The following PSMF1 variants were observed in gnomAD, a reference collection of about 807,000 sequenced individuals.
PSMF1 encodes the protein proteasome inhibitor subunit 1.
PSMF1 carries 30 observed loss-of-function variants against 29.3 expected under a neutral mutation model. That is an observed-to-expected ratio of 1.02 (90% CI 0.77 to 1.39). PSMF1 has a LOEUF of 1.39. Among genes scored for constraint, PSMF1 ranks in the 40% most tolerant of loss-of-function variants. The pLI, the probability that PSMF1 is intolerant of heterozygous loss-of-function variation, is 0.00. For synonymous variants in PSMF1, 134 were observed against 139.7 expected, an observed-to-expected ratio of 0.96 and a Z score of 0.29; for missense variants, 344 against 357.5, an observed-to-expected ratio of 0.96 and a Z score of 0.31.
chr20:1,165,940 A>G lies in PSMF1; in HGVS notation c.*860A>G. On this transcript the variant is annotated 3_prime_UTR_variant, in exon 7 of 7. Transcript: ENST00000335877. ...TTAGGGCCTTGTGCCAAGCCTATGA[A>G]ATTGGAGGTGGCTTTCCTGCTCTAA... 1 of 1,350,804 alleles carries G rather than the reference A, an allele frequency of 7.4e-7. No individual in the cohort carries two copies. Among genetic ancestry groups the G allele is most frequent in the Non-Finnish European group, 9.5e-7 (1 of 1,047,126 alleles). 83.7% of individuals were successfully genotyped at this position (1,350,804 alleles called of 1,614,324 possible).
rs143713125 is a variant in PSMF1, at chr20:1,169,344, G to A, written c.*4264G>A. Among the ~76,000 whole-genome samples the A allele has an allele frequency of 3.7e-3, 565 of 152,282 alleles. 3 individuals are homozygous for A. The highest frequency in any genetic ancestry group is 0.013 in the African/African-American group (535 of 41,572). On this transcript the variant is annotated 3_prime_UTR_variant, in exon 7 of 7. Transcript: ENST00000335877. Reference sequence around the variant, plus strand: ...ATGACAGGAGGTTTGAACACCTCACGAGTGGTAGTGCCCATGGGAGGTGCG... The same window carrying A: ...ATGACAGGAGGTTTGAACACCTCACAAGTGGTAGTGCCCATGGGAGGTGCG...
intron 4 of PSMF1, 72 bp downstream of exon 4, chr20:1,135,378 C>A: frequency 7.0e-7 from 1 of 1,432,172 alleles, no homozygotes; most frequent in Admixed American, 2.1e-5. Flanking sequence ...CCCATCCTGC[C>A]ACTTGACCCC....
intron 4 of PSMF1, among the ~76,000 whole-genome samples, chr20:1,162,023 G>A (rs185754979): frequency 2.1e-5 from 3 of 145,952 alleles, no homozygotes; most frequent in Admixed American, 1.4e-4. Flanking sequence ...TCTATGGCTT[G>A]GGGGGTCTGT....
intron 1 of PSMF1, among the ~76,000 whole-genome samples, chr20:1,120,899 G>C (rs1042163349): frequency 3.3e-5 from 5 of 152,140 alleles, no homozygotes; most frequent in East Asian, 1.9e-4. Context: ...TCTAGAGGGC[G>C]TGTCTGATAC....
rs577032764 is a variant in PSMF1, at chr20:1,167,136, A to G, written c.*2056A>G. The G allele has an allele frequency of 6.6e-6, 1 of 152,240 alleles. No individual in the cohort carries two copies. The highest frequency in any genetic ancestry group is 1.9e-4 in the East Asian group (1 of 5,172). 9.4% of individuals were successfully genotyped at this position (152,240 alleles called of 1,614,324 possible). A position where few individuals can be genotyped will look rare whatever the true frequency, so the allele number is the denominator to read the frequency against. On this transcript the variant is annotated 3_prime_UTR_variant, in exon 7 of 7. Coordinates refer to ENST00000335877, the MANE Select transcript of PSMF1 (RefSeq NM_006814.5). ...ACACAGTCATTGTCTTAGGTGTTCT[A>G]TGGGAGGAAGTGAATAGAGCCTTTA...
At chr20:1,152,516 T>C (rs1336640308) in intron 4 of PSMF1, among the ~76,000 whole-genome samples, 1 of 152,208 alleles carries the variant, frequency 6.6e-6, no homozygotes, top group Non-Finnish European at 1.5e-5. Flanking sequence ...CACAGTCCGA[T>C]GCATATAACC....
In PSMF1 at chr20:1,165,115, C is replaced by T. The variant is rs1334226010; in HGVS notation, c.*35C>T. The T allele has an allele frequency of 1.9e-6, 3 of 1,614,116 alleles. No individual in the cohort carries two copies. The highest frequency in any genetic ancestry group is 2.5e-6 in the Non-Finnish European group (3 of 1,179,990). ...GAATGTAACATCCCAGGCTTCCCTC[C>T]ATTCTCCTGGAGCTGCCACCGCTGT... is the stretch of plus-strand genomic sequence containing the variant. On this transcript the variant is annotated 3_prime_UTR_variant, in exon 7 of 7. Coordinates refer to ENST00000335877, the MANE Select transcript of PSMF1 (RefSeq NM_006814.5).
chr20:1,125,880 A>C, intron 2 of PSMF1: 1 of 690,026 alleles, frequency 1.4e-6, no homozygotes, highest in East Asian at 2.9e-5. Context: ...TCAACAGGGG[A>C]ATGGTTAAAT....
chr20:1,124,973 T>C (rs1192889408), intron 1 of PSMF1, among the ~76,000 whole-genome samples: 1 of 152,258 alleles, frequency 6.6e-6, no homozygotes, highest in African/African-American at 2.4e-5. Context: ...TTCTATTTCT[T>C]AAGCTGGTGG....
chr20:1,138,423 T>C (rs756469735), intron 4 of PSMF1, among the ~76,000 whole-genome samples: 3 of 150,426 alleles, frequency 2.0e-5, no homozygotes, highest in Non-Finnish European at 4.4e-5. Flanking sequence ...TTTGGGAGGC[T>C]GAGGCACAGG....
chr20:1,135,420 G>T (rs1025723368), intron 4 of PSMF1, 114 bp downstream of exon 4: 8 of 1,149,892 alleles, frequency 7.0e-6, no homozygotes, highest in Non-Finnish European at 9.7e-6. Flanking sequence ...TCAACAAAAT[G>T]ATCAGTGTCT....
rs758862096 is a variant in PSMF1, at chr20:1,127,525, T to G, written c.365+17T>G. The G allele has an allele frequency of 6.4e-7, 1 of 1,550,468 alleles. No individual in the cohort carries two copies. Among genetic ancestry groups the G allele is most frequent in the Non-Finnish European group, 8.9e-7 (1 of 1,122,026 alleles). Reference sequence around the variant, plus strand: ...CTTCCACAGGTACTTCTAAATGATGTCTCTTCCCTGGGAAAAAGAAGAGAG... The same window carrying G: ...CTTCCACAGGTACTTCTAAATGATGGCTCTTCCCTGGGAAAAAGAAGAGAG... On this transcript the variant is annotated intron_variant, in intron 3 of 6. Coordinates refer to ENST00000335877, the MANE Select transcript of PSMF1 (RefSeq NM_006814.5).
intron 4 of PSMF1, among the ~76,000 whole-genome samples, chr20:1,136,765 A>T (rs779463856): frequency 3.3e-5 from 5 of 152,240 alleles, no homozygotes; most frequent in Non-Finnish European, 7.3e-5. Flanking sequence ...AACAACTCAA[A>T]TACCACAAAA....
At chr20:1,143,146 A>G (rs935373088) in intron 4 of PSMF1, among the ~76,000 whole-genome samples, 1 of 152,238 alleles carries the variant, frequency 6.6e-6, no homozygotes, top group African/African-American at 2.4e-5. Context: ...AGATATAGCA[A>G]GATACAGCAG....
At chr20:1,130,842 C>T (rs958447608) in intron 3 of PSMF1, among the ~76,000 whole-genome samples, 1 of 152,232 alleles carries the variant, frequency 6.6e-6, no homozygotes, top group South Asian at 2.1e-4. Flanking sequence ...GAGGTCTTTG[C>T]TGTGTTGCCC....
intron 4 of PSMF1, among the ~76,000 whole-genome samples, chr20:1,162,779 G>A (rs1442303098): frequency 6.6e-6 from 1 of 151,972 alleles, no homozygotes; most frequent in Non-Finnish European, 1.5e-5. Context: ...TTTGGTTTTG[G>A]GTTTAAGAAT....
intron 1 of PSMF1, among the ~76,000 whole-genome samples, chr20:1,123,448 T>C (rs2086115726): frequency 6.6e-6 from 1 of 152,234 alleles, no homozygotes. Flanking sequence ...AAAAAGATTA[T>C]AGCATTTTTT....
chr20:1,156,250 A>T (rs896568718), intron 4 of PSMF1, among the ~76,000 whole-genome samples: 2 of 152,220 alleles, frequency 1.3e-5, no homozygotes, highest in African/African-American at 4.8e-5. Flanking sequence ...TTTTAAAATA[A>T]TGTCTGAGGG....
chr20:1,163,157 C>T lies in PSMF1; in HGVS notation c.579C>T (p.Val193=), dbSNP rs200198078. ...GTGATCCCCTGGGCCCGTTTGTTGT[C>T]GGGGGAGAAGACTTAGACCCTTTTG... ...PWCDPLGPFV[V]GGEDLDPFGP... is the part of the protein sequence containing the mutation. The change falls in exon 5 of 7, where the codon GTC becomes GTT. Residue 193 remains valine (V), a synonymous_variant. Coordinates refer to ENST00000335877, the MANE Select transcript of PSMF1 (RefSeq NM_006814.5). The surrounding 1 kb of genome is among the most constrained non-coding windows in gnomAD (Gnocchi z 6.1). 8.7e-6 allele frequency: 14 copies of T among 1,614,072 alleles called. No individual in the cohort carries two copies. Among genetic ancestry groups the T allele is most frequent in the South Asian group, 4.4e-5 (4 of 91,074 alleles).
Sources: allele counts gnomAD v4.1 joint callset (sites outside exome capture counted in the v4.1 genomes callset), GRCh38; gene constraint gnomAD v4.1.1; non-coding constraint Gnocchi (gnomAD v3.1); transcripts MANE v1.5; gene names NCBI Gene and HGNC (gene_info 2026-07-23, HGNC 2026-07-21).